Variants in RGS6 observed in about 807,000 individuals in gnomAD.
RGS6 encodes the protein regulator of G-protein signaling 6.
Under a neutral mutation model 78.5 loss-of-function variants are expected in RGS6, and 30 were observed. The ratio of observed to expected loss-of-function variants is 0.38; its 90% CI spans 0.29 to 0.52. The LOEUF (loss-of-function observed/expected upper bound fraction) is 0.52, where lower values mean the gene tolerates loss of function less well. Among genes scored for constraint, RGS6 ranks in the 20% least tolerant of loss-of-function variants. RGS6 has a pLI of 0.85. For synonymous variants in RGS6, 206 were observed against 206.0 expected, an observed-to-expected ratio of 1.00 and a Z score of 0.00; for missense variants, 495 against 609.7, an observed-to-expected ratio of 0.81 and a Z score of 1.98.
intron 2 of RGS6, among the ~76,000 whole-genome samples, chr14:72,313,085 G>C (rs2069061661): frequency 6.6e-6 from 1 of 152,190 alleles, no homozygotes; most frequent in Non-Finnish European, 1.5e-5. Context: ...CTTACTAGCT[G>C]GGTGGGATTG....
intron 3 of RGS6, among the ~76,000 whole-genome samples, chr14:72,450,878 C>A (rs1176017386): frequency 6.6e-6 from 1 of 152,202 alleles, no homozygotes; most frequent in Non-Finnish European, 1.5e-5. Context: ...TTGTCAGATG[C>A]TACAGCGTAA....
chr14:72,016,454 C>T (rs1246409306), intron 2 of RGS6, among the ~76,000 whole-genome samples: 1 of 152,198 alleles, frequency 6.6e-6, no homozygotes, highest in Non-Finnish European at 1.5e-5. Flanking sequence ...CAAGTGCTGC[C>T]TCGCGGGTTC....
chr14:72,224,340 C>A (rs1355681025), intron 2 of RGS6, among the ~76,000 whole-genome samples: 1 of 151,942 alleles, frequency 6.6e-6, no homozygotes, highest in Non-Finnish European at 1.5e-5. Flanking sequence ...ATGGCTTGAG[C>A]CCTGGAGGGA....
chr14:71,967,806 A>C (rs1465019824), intron 2 of RGS6, among the ~76,000 whole-genome samples: 1 of 152,182 alleles, frequency 6.6e-6, no homozygotes, highest in East Asian at 1.9e-4. Context: ...GATTATGTCC[A>C]TAATGTTGTT....
At chr14:72,316,371 T>G (rs773508295) in intron 2 of RGS6, among the ~76,000 whole-genome samples, 5 of 152,210 alleles carry the variant, frequency 3.3e-5, no homozygotes, top group Non-Finnish European at 5.9e-5. Context: ...TTTCTCCTAA[T>G]GCTATCCCTC....
chr14:72,135,730 A>C (rs1379826748), intron 2 of RGS6, among the ~76,000 whole-genome samples: 1 of 152,090 alleles, frequency 6.6e-6, no homozygotes, highest in African/African-American at 2.4e-5. Context: ...GGAGTGAAAA[A>C]TGCAAAATTG....
chr14:72,170,079 A>G (rs1177657843), intron 2 of RGS6, among the ~76,000 whole-genome samples: 2 of 152,162 alleles, frequency 1.3e-5, no homozygotes, highest in Non-Finnish European at 2.9e-5. Flanking sequence ...AGGAAGTCCA[A>G]TTTTATCATG....
chr14:72,342,420 G>T (rs1222751262), intron 2 of RGS6, among the ~76,000 whole-genome samples: 1 of 151,966 alleles, frequency 6.6e-6, no homozygotes. Flanking sequence ...ACAAAACTTA[G>T]TCGGGCATGG....
intron 17 of RGS6, among the ~76,000 whole-genome samples, chr14:72,546,904 G>A (rs1598980382): frequency 1.3e-5 from 2 of 152,328 alleles, no homozygotes; most frequent in East Asian, 3.9e-4. Context: ...CGCCATGACA[G>A]TGCCTTCCTC....
At chr14:72,204,672 G>A (rs1404439479) in intron 2 of RGS6, among the ~76,000 whole-genome samples, 1 of 152,154 alleles carries the variant, frequency 6.6e-6, no homozygotes, top group African/African-American at 2.4e-5. Flanking sequence ...GGGGCAAGGG[G>A]TCTCTCTCAG....
intron 2 of RGS6, among the ~76,000 whole-genome samples, chr14:71,977,937 C>G (rs1019046525): frequency 2.2e-4 from 33 of 150,312 alleles, no homozygotes; most frequent in African/African-American, 7.5e-4. Context: ...CTTTTATTTC[C>G]TTGAGCAGTG....
At chr14:72,388,943 A>T (rs1403631717) in intron 3 of RGS6, among the ~76,000 whole-genome samples, 1 of 150,212 alleles carries the variant, frequency 6.7e-6, no homozygotes, top group Non-Finnish European at 1.5e-5. Context: ...ACTGTAAGTG[A>T]TTCCCATTAT....
chr14:72,541,007 C>G, intron 17 of RGS6: 4 of 1,289,458 alleles, frequency 3.1e-6, no homozygotes, highest in South Asian at 1.2e-5. Flanking sequence ...TGCTGGTCGG[C>G]CCAAGATTTG....
intron 2 of RGS6, among the ~76,000 whole-genome samples, chr14:72,027,732 A>G (rs1051202202): frequency 6.6e-6 from 1 of 152,120 alleles, no homozygotes; most frequent in Admixed American, 6.6e-5. Flanking sequence ...ACTCCTGAAT[A>G]TATTAACCAT....
chr14:72,208,483 T>C (rs189518454), intron 2 of RGS6, among the ~76,000 whole-genome samples: 10 of 152,344 alleles, frequency 6.6e-5, no homozygotes, highest in Admixed American at 3.3e-4. Flanking sequence ...TCAAGAGATA[T>C]ATACCATGTC....
At chr14:72,465,590 A>G (rs978156014) in intron 6 of RGS6, among the ~76,000 whole-genome samples, 168 bp from the exon 7 acceptor site, 86 of 147,254 alleles carry the variant, frequency 5.8e-4, no homozygotes, top group African/African-American at 2.1e-3. Context: ...GGATGGATGG[A>G]TGGATGGATG....
At chr14:72,459,578 G>A (rs2095722747) in intron 5 of RGS6, 54 bp from the exon 6 acceptor site, 1 of 1,583,848 alleles carries the variant, frequency 6.3e-7, no homozygotes, top group Non-Finnish European at 8.7e-7. Flanking sequence ...GGGTGTGGGA[G>A]GGAAGCGCAG....
intron 2 of RGS6, among the ~76,000 whole-genome samples, chr14:72,222,413 A>G (rs1009409717): frequency 1.3e-5 from 2 of 152,220 alleles, no homozygotes; most frequent in African/African-American, 2.4e-5. Context: ...TTCATGTAAG[A>G]TTTCAGCAGT....
chr14:72,056,299 A>T lies in RGS6; in HGVS notation c.84+91424A>T, dbSNP rs565441582. Reference sequence around the variant, plus strand: ...CAGCCCTGCTCATAGTATGCCTCCAACAAGGCTCTCAGAATTTAGGAAAGT... The same window carrying T: ...CAGCCCTGCTCATAGTATGCCTCCATCAAGGCTCTCAGAATTTAGGAAAGT... On this transcript the variant is annotated intron_variant, in intron 2 of 17. Coordinates refer to ENST00000553525, the MANE Select transcript of RGS6 (RefSeq NM_001204424.2). 9.2e-5 allele frequency among the ~76,000 whole-genome samples: 14 copies of T among 152,328 alleles called. No homozygotes were observed. The South Asian group carries it at 1.5e-3, about 16-fold the overall frequency.
Sources: gnomAD v4.1 joint callset for allele counts (sites outside exome capture counted in the v4.1 genomes callset) on GRCh38, gnomAD v4.1.1 for gene constraint, MANE v1.5 for transcripts, NCBI Gene and HGNC (gene_info 2026-07-23, HGNC 2026-07-21) for gene names.